The following PPL variants were observed in gnomAD, a reference collection of about 807,000 sequenced individuals.
PPL encodes 190 kDa paraneoplastic pemphigus antigen.
PPL carries 198 observed loss-of-function variants against 194.4 expected under a neutral mutation model. That is an observed-to-expected ratio of 1.02 (90% CI 0.91 to 1.15). The LOEUF (loss-of-function observed/expected upper bound fraction) is 1.15, where lower values mean the gene tolerates loss of function less well. Ranked by LOEUF, PPL falls within the 50% of genes most tolerant of loss-of-function variation. The pLI is 0.00. For missense variants in PPL, 2,885 were observed against 2,294.8 expected (o/e 1.26, Z -5.25); for synonymous variants, 1,220 against 972.4 (o/e 1.25, Z -4.74).
At position 4,882,991 on chromosome 16, in the gene PPL, A is replaced by ACTGT; in HGVS notation, c.*389_*392dup. ...GCCCAGGCCTTTGTGGGGCAGTGTC[A>ACTGT]CTGTCTGGTGTGCCACCAGTACCCA... On this transcript the variant is annotated 3_prime_UTR_variant, in exon 22 of 22. Coordinates refer to ENST00000345988, the MANE Select transcript of PPL (RefSeq NM_002705.5). 1 of 228,610 alleles carries ACTGT rather than the reference A, an allele frequency of 4.4e-6. No homozygotes were observed. Among genetic ancestry groups the ACTGT allele is most frequent in the South Asian group, 5.6e-5 (1 of 17,940 alleles). 14.2% of individuals were successfully genotyped at this position (228,610 alleles called of 1,614,324 possible).
chr16:4,904,938 C>T (rs1371827090), intron 2 of PPL, among the ~76,000 whole-genome samples: 2 of 152,112 alleles, frequency 1.3e-5, no homozygotes, highest in East Asian at 3.8e-4. Flanking sequence ...GGCTTCTGTT[C>T]GTTTAGGGAA....
intron 1 of PPL, among the ~76,000 whole-genome samples, chr16:4,926,097 C>A (rs1046505404): frequency 6.6e-6 from 1 of 152,160 alleles, no homozygotes; most frequent in African/African-American, 2.4e-5. Context: ...CTGGCCCACA[C>A]CCTACCCTAG....
intron 17 of PPL, 100 bp from the exon 18 acceptor site, chr16:4,890,434 C>A (rs2088297796): frequency 4.4e-6 from 6 of 1,376,756 alleles, no homozygotes; most frequent in Non-Finnish European, 5.8e-6. Flanking sequence ...ATGTAACAAC[C>A]AGAAATACCC....
At position 4,931,976 on chromosome 16, in the gene PPL, G is replaced by A. The variant is rs189606761; in HGVS notation, c.62+5008C>T. Among the ~76,000 whole-genome samples, 31 of 152,290 alleles carry A rather than the reference G, an allele frequency of 2.0e-4. No individual in the cohort carries two copies. The East Asian group carries it at 5.4e-3, about 27-fold the overall frequency. The stretch of plus-strand genomic sequence containing the variant: ...AAGCTAGAGAGAAGAGAGGTAGAGG[G>A]GGTTGCTGGGGGTAGAGGCAGTGAG... On this transcript the variant is annotated intron_variant, in intron 1 of 21. Coordinates refer to ENST00000345988, the MANE Select transcript of PPL (RefSeq NM_002705.5).
At chr16:4,899,710 G>A (rs2088517616) in intron 6 of PPL, among the ~76,000 whole-genome samples, 2 of 152,198 alleles carry the variant, frequency 1.3e-5, no homozygotes, top group African/African-American at 4.8e-5. Context: ...TTTTGTGAAG[G>A]CTTAGTTCGC....
intron 6 of PPL, among the ~76,000 whole-genome samples, chr16:4,900,513 C>T (rs1436214128): frequency 7.0e-6 from 1 of 142,954 alleles, no homozygotes; most frequent in Non-Finnish European, 1.5e-5. Context: ...GATCACAGCT[C>T]ATTGCAGCCT....
Position 4,883,701 on chromosome 16 carries a change from T to TCTCCCGCTG in PPL, c.4945_4953dup (p.Gln1649_Glu1651dup), listed in dbSNP as rs750946212. On this transcript the variant is annotated inframe_insertion, in exon 22 of 22. Coordinates refer to ENST00000345988, the MANE Select transcript of PPL (RefSeq NM_002705.5). This position sits in a 1 kb window ranked among gnomAD's most constrained non-coding sequence, Gnocchi z 4.8. ...ACTACGATGGAGCGCCGCAGGTGGT[T>TCTCCCGCTG]CTCCCGCTGCTCCCGCTTGACGGCC... is the stretch of plus-strand genomic sequence containing the variant. The TCTCCCGCTG allele has an allele frequency of 2.5e-6, 4 of 1,613,998 alleles. No homozygotes were observed. Among genetic ancestry groups the TCTCCCGCTG allele is most frequent in the African/African-American group, 1.3e-5 (1 of 75,026 alleles).
At chr16:4,908,943 A>G (rs1289563037) in intron 2 of PPL, among the ~76,000 whole-genome samples, 1 of 152,190 alleles carries the variant, frequency 6.6e-6, no homozygotes, top group Non-Finnish European at 1.5e-5. Flanking sequence ...ACACCCCCAA[A>G]AGATGTTTTC....
chr16:4,895,729 G>A lies in PPL; in HGVS notation c.973-13C>T, dbSNP rs767755457. ...CGTCTTCGTGAAACTAGGGGAGAAGGTGGCTCTGTTACAGCCAGGAAACCA... is the reference window on the plus strand; with the variant it reads ...CGTCTTCGTGAAACTAGGGGAGAAGATGGCTCTGTTACAGCCAGGAAACCA... On this transcript the variant is annotated splice_polypyrimidine_tract_variant and intron_variant, in intron 9 of 21. Transcript: ENST00000345988. The A allele has an allele frequency of 1.9e-6, 3 of 1,613,740 alleles. No individual in the cohort carries two copies. Among genetic ancestry groups the A allele is most frequent in the South Asian group, 1.1e-5 (1 of 91,088 alleles).
intron 2 of PPL, among the ~76,000 whole-genome samples, chr16:4,909,296 T>A (rs2088770108): frequency 1.3e-5 from 2 of 152,132 alleles, no homozygotes; most frequent in South Asian, 4.1e-4. Context: ...GGTGGGCAAC[T>A]GGGCCATCAG....
At position 4,904,146 on chromosome 16, in the gene PPL, C is replaced by T. The variant is rs895321665; in HGVS notation, c.163-106G>A. The T allele has an allele frequency of 1.2e-4, 146 of 1,224,782 alleles. 1 individual carries two copies. The South Asian group carries it at 1.8e-3, about 15-fold the overall frequency. 75.9% of individuals were successfully genotyped at this position (1,224,782 alleles called of 1,614,324 possible). On this transcript the variant is annotated intron_variant, in intron 2 of 21. Transcript: ENST00000345988. Reference sequence around the variant, plus strand: ...GGTCAGCAGGGTGCTCCCCTTCTTTCCCTTTGAATAACGTCTTCCAGGCTT... The same window carrying T: ...GGTCAGCAGGGTGCTCCCCTTCTTTTCCTTTGAATAACGTCTTCCAGGCTT...
rs763366298 is a variant in PPL, at chr16:4,895,631, T to A, written c.1058A>T (p.Asp353Val). ...CAGCAGCAGCTCAATCTGGTACCGG[T>A]CCTTGAAGTCAGGGCCATACTTCTG... ...LNQKYGPDFK[D>V]RYQIELLLRE... The change falls in exon 10 of 22, where the codon GAC (aspartate) becomes GTC (valine). Residue 353 changes from aspartate to valine, a missense_variant. Asp to Val is a radical substitution (Grantham distance 152). Coordinates refer to ENST00000345988, the MANE Select transcript of PPL (RefSeq NM_002705.5). 24 of 1,613,868 alleles carry A rather than the reference T, an allele frequency of 1.5e-5. No homozygotes were observed. In the South Asian group the frequency reaches 2.6e-4, roughly 18 times the overall value.
chr16:4,893,435 G>T (rs573747960), intron 13 of PPL, 65 bp from the exon 14 acceptor site: 2 of 1,589,308 alleles, frequency 1.3e-6, no homozygotes, highest in South Asian at 2.2e-5. Flanking sequence ...CCCAGGGATG[G>T]ACCTAGGCAG....
intron 1 of PPL, among the ~76,000 whole-genome samples, chr16:4,927,543 C>G (rs1383924259): frequency 1.3e-5 from 2 of 152,208 alleles, no homozygotes; most frequent in African/African-American, 4.8e-5. Flanking sequence ...AATCCTAGAT[C>G]TCTATAGGAA....
At chr16:4,899,525 T>A (rs1596556099) in intron 6 of PPL, 141 bp from the exon 7 acceptor site, 1 of 587,322 alleles carries the variant, frequency 1.7e-6, no homozygotes, top group Non-Finnish European at 2.4e-6. Flanking sequence ...AAGCCCAGCT[T>A]AGCCACGTCC....
In PPL at chr16:4,885,284, G is replaced by A. The variant is rs567379184; in HGVS notation, c.3371C>T (p.Ala1124Val). The change falls in exon 22 of 22, where the codon GCG (alanine) becomes GTG (valine). Residue 1124 changes from alanine to valine, a missense_variant. Coordinates refer to ENST00000345988, the MANE Select transcript of PPL (RefSeq NM_002705.5). The surrounding 1 kb of genome is among the most constrained non-coding windows in gnomAD (Gnocchi z 6.3). ...ATCGCTGACCTCCCTCTCGGTGGCC[G>A]CGTCCTTCTCCACCTTGAGCACCTC... ...VKEVLKVEKD[A>V]ATEREVSDLT... 42 of 1,610,144 alleles carry A rather than the reference G, an allele frequency of 2.6e-5. No homozygotes were observed. The East Asian group carries it at 6.3e-4, about 24-fold the overall frequency.
rs1022584519 is a variant in PPL, at chr16:4,917,322, G to A, written c.63-6373C>T. ...CAAACGTGGTCTATCTCTATTATTC[G>A]GCCAAAGAATGAAGGCAGGACTGAC... On this transcript the variant is annotated intron_variant, in intron 1 of 21. Coordinates refer to ENST00000345988, the MANE Select transcript of PPL (RefSeq NM_002705.5). 2.6e-5 allele frequency among the ~76,000 whole-genome samples: 4 copies of A among 151,872 alleles called. No homozygotes were observed. In the East Asian group the frequency reaches 7.7e-4, roughly 29 times the overall value.
Position 4,888,432 on chromosome 16 carries a change from G to A in PPL, c.2398-214C>T, listed in dbSNP as rs531030315. On this transcript the variant is annotated intron_variant, in intron 19 of 21. Coordinates refer to ENST00000345988, the MANE Select transcript of PPL (RefSeq NM_002705.5). ...CAGCAGTACATAGCTCCATCACTCA[G>A]TAACATATGAGACAAGAAGTGCCCC... is the stretch of plus-strand genomic sequence containing the variant. Among the ~76,000 whole-genome samples, 5 of 152,300 alleles carry A rather than the reference G, an allele frequency of 3.3e-5. No homozygotes were observed. The East Asian group carries it at 9.6e-4, about 29-fold the overall frequency.
rs780977286 is a variant in PPL at position 4,884,100 on chromosome 16, G to A, written c.4555C>T (p.Leu1519Phe). 6 of 1,613,300 alleles carry A rather than the reference G, an allele frequency of 3.7e-6. No homozygotes were observed. The East Asian group carries it at 1.1e-4, about 30-fold the overall frequency. The change falls in exon 22 of 22, where the codon CTC (leucine) becomes TTC (phenylalanine). Residue 1519 changes from leucine (L) to phenylalanine (F), a missense_variant. Coordinates refer to ENST00000345988, the MANE Select transcript of PPL (RefSeq NM_002705.5). The surrounding 1 kb of genome is among the most constrained non-coding windows in gnomAD (Gnocchi z 5.7). ...CTCTCCTCCTCCAGGCTGCTCTTGA[G>A]CCTCTGGATCTCTTGCTCGGTGTCG... ...KGDTEQEIQR[L>F]KSSLEEESRS...
Sources: allele counts gnomAD v4.1 joint callset (sites outside exome capture counted in the v4.1 genomes callset), GRCh38; gene constraint gnomAD v4.1.1; non-coding constraint Gnocchi (gnomAD v3.1); transcripts MANE v1.5; gene names NCBI Gene and HGNC (gene_info 2026-07-23, HGNC 2026-07-21).